The following UBR2 variants were observed in gnomAD, a reference collection of about 807,000 sequenced individuals.
UBR2 encodes ubiquitin protein ligase E3 component n-recognin 2.
A neutral mutation model predicts 247.9 loss-of-function variants in UBR2; 92 were observed. That is an observed-to-expected ratio of 0.37 (90% CI 0.31 to 0.44). The LOEUF (loss-of-function observed/expected upper bound fraction) is 0.44. Ranked by LOEUF, UBR2 falls within the 20% of genes least tolerant of loss-of-function variation. The pLI, the probability that UBR2 is intolerant of heterozygous loss-of-function variation, is 1.00. For synonymous variants in UBR2, 672 were observed against 693.5 expected (o/e 0.97, Z 0.49); for missense variants, 1,613 against 2,112.6 (o/e 0.76, Z 4.64).
In UBR2 at chr6:42,635,498, G is replaced by A; in HGVS notation, c.1626G>A (p.Met542Ile). Reference protein sequence around the residue: ...PEWEAAFTLQMKLTHVISMMQ... With the variant: ...PEWEAAFTLQIKLTHVISMMQ... ...GGGAAGCAGCCTTCACACTACAAAT[G>A]AAATTAACACATGTCATTTCAATGA... The change falls in exon 14 of 47, where the codon ATG becomes ATA. Residue 542 changes from methionine (M) to isoleucine (I), a missense_variant. Met to Ile is a conservative substitution (Grantham distance 10, BLOSUM62 1). This residue lies in a region of UBR2 where 1,524 missense variants were observed against 1,967.3 expected (regional missense o/e 0.77). Transcript: ENST00000372901. The A allele has an allele frequency of 6.2e-7, 1 of 1,613,668 alleles. No individual in the cohort carries two copies. Among genetic ancestry groups the A allele is most frequent in the Non-Finnish European group, 8.5e-7 (1 of 1,179,694 alleles).
intron 8 of UBR2, among the ~76,000 whole-genome samples, chr6:42,614,387 T>C (rs115674133): frequency 0.012 from 1,481 of 127,548 alleles, 24 homozygotes; most frequent in Admixed American, 0.024. Context: ...TATATATGTA[T>C]GTACGTACAT....
At position 42,573,990 on chromosome 6, in the gene UBR2, G is replaced by C; in HGVS notation, c.335G>C (p.Cys112Ser). 6.3e-7 allele frequency: 1 copy of C among 1,576,288 alleles called. No individual in the cohort carries two copies. The change falls in exon 2 of 47, where the codon TGC becomes TCC. Residue 112 changes from cysteine (C) to serine (S), a missense_variant. Physicochemically the swap from Cys to Ser is moderately radical, Grantham distance 112. Transcript: ENST00000372901. ...VFKVGEPTYS[C>S]RDCAVDPTCV... ...AAAGTAGGAGAGCCTACATATTCTT[G>C]CAGGTAAAATATTTTAATTTTCTTT...
chr6:42,643,568 C>A (rs1582627189), intron 18 of UBR2, among the ~76,000 whole-genome samples: 1 of 151,998 alleles, frequency 6.6e-6, no homozygotes, highest in South Asian at 2.1e-4. Flanking sequence ...TGGACTCCAA[C>A]CTGGGCGACA....
At position 42,592,146 on chromosome 6, in the gene UBR2, T is replaced by C; in HGVS notation, c.339-5T>C. Reference sequence around the variant, plus strand: ...CACTTTGATTTTTTTTTTTTAACTTTACAGAGACTGTGCAGTTGATCCAAC... The same window carrying C: ...CACTTTGATTTTTTTTTTTTAACTTCACAGAGACTGTGCAGTTGATCCAAC... On this transcript the variant is annotated splice_region_variant and splice_polypyrimidine_tract_variant and intron_variant, in intron 2 of 46. Coordinates refer to ENST00000372901, the MANE Select transcript of UBR2 (RefSeq NM_001363705.2). 6.2e-7 allele frequency: 1 copy of C among 1,601,420 alleles called. No individual in the cohort carries two copies. The highest frequency in any genetic ancestry group is 8.5e-7 in the Non-Finnish European group (1 of 1,176,244).
chr6:42,637,067 T>C lies in UBR2; in HGVS notation c.1731T>C (p.His577=), dbSNP rs1184755585. The change falls in exon 15 of 47, where the codon CAT becomes CAC. Residue 577 remains histidine (H), a synonymous_variant. Coordinates refer to ENST00000372901, the MANE Select transcript of UBR2 (RefSeq NM_001363705.2). ...GTCTCGCTGTACTGATGCAGTGTCATGGTGGTTATACTGATGGTGAACAGC... is the reference window on the plus strand; with the variant it reads ...GTCTCGCTGTACTGATGCAGTGTCACGGTGGTTATACTGATGGTGAACAGC... ...KKCLAVLMQC[H]GGYTDGEQPI... 1 of 1,614,112 alleles carries C rather than the reference T, an allele frequency of 6.2e-7. No homozygotes were observed. The highest frequency in any genetic ancestry group is 1.6e-4 in the Middle Eastern group (1 of 6,062).
intron 11 of UBR2, among the ~76,000 whole-genome samples, chr6:42,632,124 T>TA (rs1195127767): frequency 7.1e-6 from 1 of 140,352 alleles, no homozygotes; most frequent in Non-Finnish European, 1.5e-5. Context: ...AAACAAAAAA[T>TA]AAATCTCAAC....
At chr6:42,585,597 G>A (rs551097158) in intron 2 of UBR2, among the ~76,000 whole-genome samples, 3 of 152,214 alleles carry the variant, frequency 2.0e-5, no homozygotes, top group South Asian at 2.1e-4. Context: ...ATTTGGTAAC[G>A]ATTCAATTTC....
intron 11 of UBR2, among the ~76,000 whole-genome samples, chr6:42,627,925 A>G (rs148942353): frequency 2.6e-5 from 4 of 152,320 alleles, no homozygotes; most frequent in Admixed American, 2.6e-4. Flanking sequence ...TGGAGATTAA[A>G]GGCAAGATGA....
rs1182346299 is a variant in UBR2 at position 42,691,504 on chromosome 6, C to T, written c.*331C>T. On this transcript the variant is annotated 3_prime_UTR_variant, in exon 47 of 47. Coordinates refer to ENST00000372901, the MANE Select transcript of UBR2 (RefSeq NM_001363705.2). ...TTTCACGTTATTGATGATAGTGAACCGTGGGTCCGAAGCTGACTCAACGGA... is the reference window on the plus strand; with the variant it reads ...TTTCACGTTATTGATGATAGTGAACTGTGGGTCCGAAGCTGACTCAACGGA... 6.7e-6 allele frequency: 2 copies of T among 299,924 alleles called. No homozygotes were observed. Among genetic ancestry groups the T allele is most frequent in the South Asian group, 3.2e-5 (1 of 31,410 alleles). 18.6% of individuals were successfully genotyped at this position (299,924 alleles called of 1,614,324 possible). A position where few individuals can be genotyped will look rare whatever the true frequency, so the allele number is the denominator to read the frequency against.
chr6:42,673,130 C>T (rs1278921256), intron 36 of UBR2, among the ~76,000 whole-genome samples: 1 of 152,178 alleles, frequency 6.6e-6, no homozygotes, highest in African/African-American at 2.4e-5. Flanking sequence ...TTAATAGCTG[C>T]AGGCACCCTC....
chr6:42,592,615 GTA>G (rs1562291353), intron 3 of UBR2, among the ~76,000 whole-genome samples: 1 of 152,080 alleles, frequency 6.6e-6, no homozygotes, highest in African/African-American at 2.4e-5. Context: ...CAAAATTCAG[GTA>G]TGTTTGTTTG....
chr6:42,663,773 G>A (rs1307465816), intron 32 of UBR2, among the ~76,000 whole-genome samples: 1 of 152,184 alleles, frequency 6.6e-6, no homozygotes, highest in Non-Finnish European at 1.5e-5. Context: ...TTATAGGACA[G>A]TCTAAAAATC....
Position 42,659,761 on chromosome 6 carries a change from A to C in UBR2, c.3348A>C (p.Glu1116Asp). 6.2e-7 allele frequency: 1 copy of C among 1,614,200 alleles called. No homozygotes were observed. The highest frequency in any genetic ancestry group is 8.5e-7 in the Non-Finnish European group (1 of 1,180,026). Residue 1116 changes from glutamate to aspartate, a missense_variant, in exon 30 of 47, where the codon GAA becomes GAC. By Grantham distance (45) the Glu-to-Asp change is conservative. Around this residue, in one of 3 missense-constraint regions of UBR2, gnomAD observed 1,524 missense variants for 1,967.3 expected, o/e 0.77. Transcript: ENST00000372901. The surrounding 1 kb of genome is among the most constrained non-coding windows in gnomAD (Gnocchi z 4.3). ...GTATATTGTGTCAAGAGGAGCAAGAAGTTAAAGTGGAAAGCAGGGCAATGG... is the reference window on the plus strand; with the variant it reads ...GTATATTGTGTCAAGAGGAGCAAGACGTTAAAGTGGAAAGCAGGGCAATGG... Reference protein sequence around the residue: ...VTCILCQEEQEVKVESRAMVL... With the variant: ...VTCILCQEEQDVKVESRAMVL...
intron 4 of UBR2, among the ~76,000 whole-genome samples, chr6:42,601,661 C>G (rs1377904675): frequency 7.0e-6 from 1 of 141,998 alleles, no homozygotes; most frequent in East Asian, 2.2e-4. Flanking sequence ...GCACTCCAGC[C>G]TGGGCGACAA....
chr6:42,657,273 T>G (rs1394224476), intron 26 of UBR2, among the ~76,000 whole-genome samples: 1 of 151,898 alleles, frequency 6.6e-6, no homozygotes, highest in Non-Finnish European at 1.5e-5. Context: ...TCTCTTACTT[T>G]CTCTTTCCTT....
In UBR2 at chr6:42,606,060, T is replaced by C. The variant is rs149800067; in HGVS notation, c.801+201T>C. 3.0e-3 allele frequency among the ~76,000 whole-genome samples: 454 copies of C among 152,186 alleles called. 2 individuals are homozygous for C. The highest frequency in any genetic ancestry group is 0.01 in the African/African-American group (433 of 41,524). ...GAGTTCGAGACCAGCCTGACTAACA[T>C]GGTGAAACCCCATCTTTACTAAAAA... On this transcript the variant is annotated intron_variant, in intron 6 of 46. Transcript: ENST00000372901.
At chr6:42,650,020 T>C (rs1180202052) in intron 22 of UBR2, among the ~76,000 whole-genome samples, 1 of 152,254 alleles carries the variant, frequency 6.6e-6, no homozygotes, top group African/African-American at 2.4e-5. Flanking sequence ...TTTCACGTTA[T>C]TAGACTTTTT....
At chr6:42,632,355 T>C (rs1348692802) in intron 11 of UBR2, among the ~76,000 whole-genome samples, 197 bp from the exon 12 acceptor site, 1 of 152,102 alleles carries the variant, frequency 6.6e-6, no homozygotes, top group Non-Finnish European at 1.5e-5. Flanking sequence ...TGGCATCTGG[T>C]ATAATTGTTG....
At position 42,641,693 on chromosome 6, in the gene UBR2, GTAAGTGTTTTCTAATTC is replaced by G. The variant is rs1796459770; in HGVS notation, c.2031+4_2031+20del. On this transcript the variant is annotated splice_donor_variant and splice_donor_5th_base_variant and intron_variant, in intron 17 of 46. Coordinates refer to ENST00000372901, the MANE Select transcript of UBR2 (RefSeq NM_001363705.2). LOFTEE classifies it high-confidence loss of function. ...AAATGGGTTCTCTCTAGTAAACCAG[GTAAGTGTTTTCTAATTC>G]TATGAAGAGTTTTCATTCCATTCTT... 1 of 1,604,662 alleles carries G rather than the reference GTAAGTGTTTTCTAATTC, an allele frequency of 6.2e-7. No homozygotes were observed. Among genetic ancestry groups the G allele is most frequent in the African/African-American group, 1.3e-5 (1 of 74,300 alleles).
Sources: allele counts gnomAD v4.1 joint callset (sites outside exome capture counted in the v4.1 genomes callset), GRCh38; gene constraint gnomAD v4.1.1; regional missense constraint gnomAD v4.1.1; non-coding constraint Gnocchi (gnomAD v3.1); transcripts MANE v1.5; gene names NCBI Gene and HGNC (gene_info 2026-07-23, HGNC 2026-07-21).